RSPH9: variants seen among roughly 807,000 people sequenced by gnomAD.
RSPH9 encodes the protein radial spoke head component 9.
A neutral mutation model predicts 27.0 loss-of-function variants in RSPH9; 27 were observed. The observed-to-expected ratio is 1.00, with a 90% confidence interval of 0.74 to 1.38. The LOEUF (loss-of-function observed/expected upper bound fraction) is 1.38. Ranked by LOEUF, RSPH9 falls within the 40% of genes most tolerant of loss-of-function variation. The pLI, the probability that RSPH9 is intolerant of heterozygous loss-of-function variation, is 0.00. For missense variants in RSPH9, 347 were observed against 357.4 expected (o/e 0.97, Z 0.24); for synonymous variants, 145 against 147.7 (o/e 0.98, Z 0.13).
intron 1 of RSPH9, 50 bp downstream of exon 1, chr6:43,645,375 A>AGGGGGGGGG: frequency 7.4e-6 from 1 of 134,642 alleles, no homozygotes; most frequent in Admixed American, 8.7e-5. Flanking sequence ...ACCTGGAGGC[A>AGGGGGGGGG]GGGCGGGGTG....
rs556039099 is a variant in RSPH9 at position 43,671,526 on chromosome 6, C to A, written c.*577C>A. The A allele has an allele frequency of 1.2e-5, 7 of 576,688 alleles. No individual in the cohort carries two copies. Among genetic ancestry groups the A allele is most frequent in the Non-Finnish European group, 2.2e-5 (7 of 323,856 alleles). The allele number at this position is 576,688 out of a possible 1,614,324, so 35.7% of individuals were successfully genotyped here. On this transcript the variant is annotated 3_prime_UTR_variant, in exon 5 of 5. Transcript: ENST00000372163. Reference sequence around the variant, plus strand: ...TCCCCAGCACTGAGCATGGCCTAAGCCCCATAGCAGCTGGCAAGGGACCCA... The same window carrying A: ...TCCCCAGCACTGAGCATGGCCTAAGACCCATAGCAGCTGGCAAGGGACCCA...
chr6:43,665,002 G>T (rs986007995), intron 4 of RSPH9, among the ~76,000 whole-genome samples: 2 of 152,232 alleles, frequency 1.3e-5, no homozygotes, highest in Non-Finnish European at 2.9e-5. Flanking sequence ...GATTCAGGGT[G>T]TGTCTGGCAA....
chr6:43,655,709 C>T lies in RSPH9; in HGVS notation c.523+18C>T. ...CTTTGAAGGTGAGTTCTCTGGGGCCCCTCTCAAGGGCTGGGGGTATCTTTT... is the reference window on the plus strand; with the variant it reads ...CTTTGAAGGTGAGTTCTCTGGGGCCTCTCTCAAGGGCTGGGGGTATCTTTT... On this transcript the variant is annotated intron_variant, in intron 3 of 4. Transcript: ENST00000372163. The T allele has an allele frequency of 6.2e-7, 1 of 1,614,174 alleles. No individual in the cohort carries two copies. The highest frequency in any genetic ancestry group is 8.5e-7 in the Non-Finnish European group (1 of 1,180,006).
At chr6:43,657,863 G>A (rs1280819253) in intron 4 of RSPH9, among the ~76,000 whole-genome samples, 6 of 152,192 alleles carry the variant, frequency 3.9e-5, no homozygotes, top group African/African-American at 1.4e-4. Context: ...CCCTGAATGT[G>A]CCTAGTCTCT....
chr6:43,653,862 T>C (rs1250969357), intron 2 of RSPH9, among the ~76,000 whole-genome samples: 1 of 152,116 alleles, frequency 6.6e-6, no homozygotes, highest in Non-Finnish European at 1.5e-5. Flanking sequence ...CCTGCTAATT[T>C]TGTATTTTTG....
chr6:43,645,122 G>T lies in RSPH9; in HGVS notation c.24G>T (p.Leu8=), dbSNP rs761678802. 4.5e-5 allele frequency: 72 copies of T among 1,612,694 alleles called. No homozygotes were observed. Among genetic ancestry groups the T allele is most frequent in the Admixed American group, 5.0e-5 (3 of 60,002 alleles). Reference sequence around the variant, plus strand: ...TGATGGACGCCGACAGCCTCCTGCTGTCTCTGGAGCTGGCGTCCGGCAGTG... The same window carrying T: ...TGATGGACGCCGACAGCCTCCTGCTTTCTCTGGAGCTGGCGTCCGGCAGTG... The part of the protein sequence containing the change: MDADSLL[L]SLELASGSGQ... Residue 8 remains leucine, a synonymous_variant, in exon 1 of 5, where the codon CTG becomes CTT. Coordinates refer to ENST00000372163, the MANE Select transcript of RSPH9 (RefSeq NM_152732.5).
intron 1 of RSPH9, among the ~76,000 whole-genome samples, chr6:43,647,094 C>T (rs868600385): frequency 4.2e-4 from 61 of 144,358 alleles, no homozygotes; most frequent in African/African-American, 1.4e-3. Context: ...ATCACTACTG[C>T]GCTCCAGCCT....
chr6:43,652,124 G>A (rs1410517359), intron 2 of RSPH9, among the ~76,000 whole-genome samples: 2 of 151,526 alleles, frequency 1.3e-5, no homozygotes, highest in African/African-American at 2.4e-5. Flanking sequence ...GGCTAACACG[G>A]TGAAACCCTG....
At chr6:43,647,128 C>A (rs1254430667) in intron 1 of RSPH9, among the ~76,000 whole-genome samples, 1 of 135,730 alleles carries the variant, frequency 7.4e-6, no homozygotes, top group Non-Finnish European at 1.7e-5. Context: ...GACCCTGTCT[C>A]AAAACAAATA....
intron 3 of RSPH9, 120 bp downstream of exon 3, chr6:43,655,811 AC>A (rs1561939964): frequency 2.5e-6 from 3 of 1,203,704 alleles, no homozygotes; most frequent in Non-Finnish European, 3.6e-6. Flanking sequence ...AGTAGCTGTG[AC>A]CTTATCACCT....
intron 4 of RSPH9, among the ~76,000 whole-genome samples, chr6:43,670,201 T>C (rs1773567852): frequency 6.6e-6 from 1 of 152,214 alleles, no homozygotes; most frequent in African/African-American, 2.4e-5. Flanking sequence ...CCTCCCCCAC[T>C]CAACCTTTAG....
At chr6:43,670,731 A>C in intron 4 of RSPH9, 58 bp from the exon 5 acceptor site, 1 of 1,526,584 alleles carries the variant, frequency 6.6e-7, no homozygotes, top group Non-Finnish European at 9.1e-7. Context: ...CACAGCATGA[A>C]GGGCAGAGCT....
chr6:43,661,660 CAAAAAAAAAAAAA>C (rs758308013), intron 4 of RSPH9, among the ~76,000 whole-genome samples: 1 of 90,816 alleles, frequency 1.1e-5, no homozygotes, highest in Non-Finnish European at 2.1e-5. Flanking sequence ...GACTCTGTCT[CAAAAAAAAAAAAA>C]AAAAAAAAGA....
chr6:43,656,539 G>A, intron 3 of RSPH9, 38 bp from the exon 4 acceptor site: 1 of 1,613,816 alleles, frequency 6.2e-7, no homozygotes, highest in Non-Finnish European at 8.5e-7. Context: ...GGGGGTTTTG[G>A]GCTAACCATC....
At position 43,671,439 on chromosome 6, in the gene RSPH9, C is replaced by G; in HGVS notation, c.*490C>G. The G allele has an allele frequency of 2.3e-6, 1 of 439,124 alleles. No homozygotes were observed. Among genetic ancestry groups the G allele is most frequent in the Non-Finnish European group, 4.1e-6 (1 of 241,036 alleles). The allele number at this position is 439,124 out of a possible 1,614,324, so 27.2% of individuals were successfully genotyped here. A position where few individuals can be genotyped will look rare whatever the true frequency, so the allele number is the denominator to read the frequency against. On this transcript the variant is annotated 3_prime_UTR_variant, in exon 5 of 5. Transcript: ENST00000372163. Reference sequence around the variant, plus strand: ...CCCCCTGCACTTCCCAAGCAGTGAGCGCACACCCAATGGGTAAGCCCATGA... The same window carrying G: ...CCCCCTGCACTTCCCAAGCAGTGAGGGCACACCCAATGGGTAAGCCCATGA...
At chr6:43,646,425 ATTAT>A (rs945493597) in intron 1 of RSPH9, among the ~76,000 whole-genome samples, 3 of 151,080 alleles carry the variant, frequency 2.0e-5, no homozygotes, top group Non-Finnish European at 4.4e-5. Flanking sequence ...GCGCTTGGCA[ATTAT>A]TTATTTATTT....
Position 43,671,198 on chromosome 6 carries a change from C to A in RSPH9, c.*249C>A, listed in dbSNP as rs1451348309. The A allele has an allele frequency of 8.5e-6, 5 of 588,374 alleles. No homozygotes were observed. Among genetic ancestry groups the A allele is most frequent in the Non-Finnish European group, 1.5e-5 (5 of 332,158 alleles). 36.4% of individuals were successfully genotyped at this position (588,374 alleles called of 1,614,324 possible). On this transcript the variant is annotated 3_prime_UTR_variant, in exon 5 of 5. Coordinates refer to ENST00000372163, the MANE Select transcript of RSPH9 (RefSeq NM_152732.5). ...CTGTGGGAGAAGGTGACAACCAGGG[C>A]CCCTTTGAGGAACGCAGTTTCTTGG...
rs1326482125 is a variant in RSPH9, at chr6:43,671,561, C to T, written c.*612C>T. On this transcript the variant is annotated 3_prime_UTR_variant, in exon 5 of 5. Transcript: ENST00000372163. ...GCTGGCAAGGGACCCAACTGCCCTG[C>T]CTGCCTCTAGCTCCCAGCATTGCTA... 8.0e-5 allele frequency: 50 copies of T among 628,166 alleles called. 1 individual carries two copies. In the Admixed American group the frequency reaches 1.3e-3, roughly 16 times the overall value. The allele number at this position is 628,166 out of a possible 1,614,324, so 38.9% of individuals were successfully genotyped here. A position where few individuals can be genotyped will look rare whatever the true frequency, so the allele number is the denominator to read the frequency against.
intron 3 of RSPH9, among the ~76,000 whole-genome samples, chr6:43,656,175 T>C (rs1772030354): frequency 6.7e-6 from 1 of 149,132 alleles, no homozygotes; most frequent in Non-Finnish European, 1.5e-5. Context: ...AACCCCTGCC[T>C]CCTGGGTTCA....
Sources: gnomAD v4.1 joint callset for allele counts (sites outside exome capture counted in the v4.1 genomes callset) on GRCh38, gnomAD v4.1.1 for gene constraint, MANE v1.5 for transcripts, NCBI Gene and HGNC (gene_info 2026-07-23, HGNC 2026-07-21) for gene names.